The following GRB10 variants were observed in gnomAD, a reference collection of about 807,000 sequenced individuals.
GRB10 encodes the protein growth factor receptor bound protein 10.
In GRB10, 20 loss-of-function variants were observed where a neutral mutation model predicts 80.9. That is an observed-to-expected ratio of 0.25 (90% CI 0.17 to 0.36). The LOEUF (loss-of-function observed/expected upper bound fraction) is 0.36, where lower values mean the gene tolerates loss of function less well. Ranked by LOEUF, GRB10 falls within the 10% of genes least tolerant of loss-of-function variation. The probability of loss-of-function intolerance (pLI) is 1.00; values close to 1 mark genes in which losing one functional copy is unlikely to be tolerated. For synonymous variants in GRB10, 291 were observed against 291.5 expected, an observed-to-expected ratio of 1.00 and a Z score of 0.02; for missense variants, 548 against 747.7, an observed-to-expected ratio of 0.73 and a Z score of 3.12.
intron 3 of GRB10, among the ~76,000 whole-genome samples, chr7:50,736,084 G>C (rs1163905035): frequency 6.6e-6 from 1 of 151,978 alleles, no homozygotes; most frequent in African/African-American, 2.4e-5. Flanking sequence ...TCAAGAGTTC[G>C]AGATCAGCCT....
At chr7:50,783,523 A>C (rs2078533806), upstream of GRB10, among the ~76,000 whole-genome samples, 1 of 149,564 alleles carries the variant, frequency 6.7e-6, no homozygotes, top group Non-Finnish European at 1.5e-5. Flanking sequence ...CACATACACC[A>C]CACACACACA....
chr7:50,606,454 C>A (rs1482811710), intron 13 of GRB10, 40 bp from the exon 14 acceptor site: 2 of 1,489,136 alleles, frequency 1.3e-6, no homozygotes, highest in Admixed American at 1.7e-5. Flanking sequence ...GGCCCGGGAG[C>A]CCCGAGGCCC....
At chr7:50,697,192 A>G (rs1413846219) in intron 5 of GRB10, among the ~76,000 whole-genome samples, 2 of 152,212 alleles carry the variant, frequency 1.3e-5, no homozygotes, top group African/African-American at 2.4e-5. Context: ...GTTTGGGGTG[A>G]TAAGAGTTTT....
intron 7 of GRB10, among the ~76,000 whole-genome samples, chr7:50,651,801 A>G (rs990718639): frequency 3.9e-5 from 6 of 152,178 alleles, no homozygotes; most frequent in African/African-American, 1.4e-4. Flanking sequence ...CTTCAACTCA[A>G]ACCATGTGGT....
intron 5 of GRB10, among the ~76,000 whole-genome samples, chr7:50,685,810 C>T (rs759444876): frequency 2.0e-5 from 3 of 152,082 alleles, no homozygotes; most frequent in African/African-American, 7.2e-5. Flanking sequence ...CAGTACCAGG[C>T]GATTCCAAGA....
chr7:50,769,041 C>T (rs2076688954), intron 2 of GRB10, among the ~76,000 whole-genome samples: 2 of 152,132 alleles, frequency 1.3e-5, no homozygotes, highest in African/African-American at 4.8e-5. Flanking sequence ...CATTCTGATG[C>T]CCACCTCTGA....
chr7:50,638,121 TA>T (rs1301881506), intron 7 of GRB10, among the ~76,000 whole-genome samples: 3 of 152,124 alleles, frequency 2.0e-5, no homozygotes, highest in African/African-American at 7.2e-5. Flanking sequence ...GTACAAAAAT[TA>T]ACTCAAGATG....
chr7:50,672,068 G>C (rs1320435745), intron 6 of GRB10, among the ~76,000 whole-genome samples: 1 of 152,206 alleles, frequency 6.6e-6, no homozygotes, highest in Non-Finnish European at 1.5e-5. Flanking sequence ...AAAAGCCTGG[G>C]TTCCTTCTCT....
intron 2 of GRB10, among the ~76,000 whole-genome samples, chr7:50,773,297 C>T (rs1006290928): frequency 6.8e-6 from 1 of 146,790 alleles, no homozygotes; most frequent in African/African-American, 2.6e-5. Context: ...CACAGCCAAA[C>T]GATGTAACAC....
At chr7:50,655,299 T>G (rs1241536442) in intron 7 of GRB10, among the ~76,000 whole-genome samples, 2 of 152,150 alleles carry the variant, frequency 1.3e-5, no homozygotes, top group Non-Finnish European at 1.5e-5. Flanking sequence ...TCCACACACG[T>G]AAGTTATTAT....
upstream of GRB10, among the ~76,000 whole-genome samples, chr7:50,785,340 C>T (rs2078648906): frequency 6.6e-6 from 1 of 152,248 alleles, no homozygotes; most frequent in African/African-American, 2.4e-5. Flanking sequence ...TTGCATGGGA[C>T]AAACACTTCC....
At chr7:50,696,118 C>G (rs977599095) in intron 5 of GRB10, among the ~76,000 whole-genome samples, 6 of 152,098 alleles carry the variant, frequency 3.9e-5, no homozygotes, top group Non-Finnish European at 7.4e-5. Context: ...TCCCTATTTC[C>G]TTTATTCTAG....
chr7:50,611,284 C>T (rs553314784), intron 13 of GRB10, among the ~76,000 whole-genome samples: 40 of 152,222 alleles, frequency 2.6e-4, no homozygotes, highest in Admixed American at 5.2e-4. Context: ...GTAATTTTTC[C>T]GCAACAGGAC....
Position 50,590,700 on chromosome 7 carries a change from G to A in GRB10, c.*2252C>T, listed in dbSNP as rs1405313219. The A allele has an allele frequency of 6.6e-6, 1 of 152,622 alleles. No homozygotes were observed. Among genetic ancestry groups the A allele is most frequent in the Non-Finnish European group, 1.5e-5 (1 of 68,044 alleles). The allele number at this position is 152,622 out of a possible 1,614,324, so 9.5% of individuals were successfully genotyped here. A position where few individuals can be genotyped will look rare whatever the true frequency, so the allele number is the denominator to read the frequency against. ...CCCGGTTTGCGGGACTTGTTCTCAG[G>A]TGGAATTCCCAGCCGCCCAGCGCGA... is the stretch of plus-strand genomic sequence containing the variant. On this transcript the variant is annotated 3_prime_UTR_variant, in exon 19 of 19. Coordinates refer to ENST00000401949, the MANE Select transcript of GRB10 (RefSeq NM_001350814.2).
chr7:50,742,321 G>A (rs554095077), intron 3 of GRB10, among the ~76,000 whole-genome samples: 4 of 144,978 alleles, frequency 2.8e-5, no homozygotes, highest in Non-Finnish European at 6.0e-5. Context: ...ACACATACAC[G>A]GCATCCATTC....
intron 8 of GRB10, among the ~76,000 whole-genome samples, chr7:50,620,492 T>C (rs1214232255): frequency 2.0e-5 from 3 of 152,148 alleles, no homozygotes; most frequent in Non-Finnish European, 4.4e-5. Flanking sequence ...CCGACCGGCA[T>C]GCAGAAGCAA....
chr7:50,590,869 TCTC>T lies in GRB10; in HGVS notation c.*2080_*2082del, dbSNP rs1326919669. The stretch of plus-strand genomic sequence containing the variant: ...CTGTGAATCAGAGTCAAGCTTTTGT[TCTC>T]CTTTTAAATAAACGCATATTTATAA... On this transcript the variant is annotated 3_prime_UTR_variant, in exon 19 of 19. Transcript: ENST00000401949. The T allele has an allele frequency of 6.6e-6, 1 of 152,146 alleles. No homozygotes were observed. Among genetic ancestry groups the T allele is most frequent in the African/African-American group, 2.4e-5 (1 of 41,404 alleles). The allele number at this position is 152,146 out of a possible 1,614,324, so 9.4% of individuals were successfully genotyped here. A position where few individuals can be genotyped will look rare whatever the true frequency, so the allele number is the denominator to read the frequency against.
At chr7:50,654,111 T>C (rs769822244) in intron 7 of GRB10, among the ~76,000 whole-genome samples, 1 of 152,192 alleles carries the variant, frequency 6.6e-6, no homozygotes, top group Admixed American at 6.5e-5. Context: ...CAACCCCCTT[T>C]GCACAGTGTG....
At chr7:50,775,896 C>A (rs2077581978) in intron 2 of GRB10, among the ~76,000 whole-genome samples, 1 of 152,196 alleles carries the variant, frequency 6.6e-6, no homozygotes, top group African/African-American at 2.4e-5. Flanking sequence ...AGGAGGGCTG[C>A]ACTGTAATGC....
Sources: gnomAD v4.1 joint callset for allele counts (sites outside exome capture counted in the v4.1 genomes callset) on GRCh38, gnomAD v4.1.1 for gene constraint, MANE v1.5 for transcripts, NCBI Gene and HGNC (gene_info 2026-07-23, HGNC 2026-07-21) for gene names.